The following MLIP variants were observed in gnomAD, a reference collection of about 807,000 sequenced individuals.
MLIP encodes muscular LMNA interacting protein, also known as muscular LMNA-interacting protein.
Under a neutral mutation model 84.8 loss-of-function variants are expected in MLIP, and 79 were observed. The ratio of observed to expected loss-of-function variants is 0.93; its 90% CI spans 0.78 to 1.12. The LOEUF is 1.12. MLIP is among the 50% of genes most tolerant of loss of function. MLIP has a pLI of 0.00. For missense variants in MLIP, 1,257 were observed against 1,160.6 expected (o/e 1.08, Z -1.21); for synonymous variants, 504 against 463.0 (o/e 1.09, Z -1.14).
chr6:54,160,541 A>G lies in MLIP; in HGVS notation c.2381A>G (p.Gln794Arg). 6.2e-7 allele frequency: 1 copy of G among 1,612,664 alleles called. No individual in the cohort carries two copies. Among genetic ancestry groups the G allele is most frequent in the Non-Finnish European group, 8.5e-7 (1 of 1,179,210 alleles). ...CTCTATTTTCCTGCACAGCTCAGGC[A>G]GCAAACTGAAGAGCTCTGTGCTACC... ...VELYFPAQLR[Q>R]QTEELCATID... Residue 794 changes from glutamine (Q) to arginine (R), a missense_variant, in exon 7 of 14, where the codon CAG becomes CGG. Transcript: ENST00000502396.
intron 12 of MLIP, among the ~76,000 whole-genome samples, chr6:54,241,206 A>T (rs1781715202): frequency 6.6e-6 from 1 of 152,022 alleles, no homozygotes; most frequent in Non-Finnish European, 1.5e-5. Flanking sequence ...TTATATTGGC[A>T]TGTTTATAAG....
intron 11 of MLIP, among the ~76,000 whole-genome samples, chr6:54,224,014 TA>T (rs1176041726): frequency 1.3e-5 from 2 of 151,868 alleles, no homozygotes; most frequent in Non-Finnish European, 2.9e-5. Context: ...TTGGAAAATT[TA>T]AAAACAAAAA....
chr6:54,185,643 C>G (rs1458334151), intron 9 of MLIP, among the ~76,000 whole-genome samples: 2 of 151,890 alleles, frequency 1.3e-5, no homozygotes, highest in Non-Finnish European at 1.5e-5. Context: ...TAATATGTAA[C>G]TTCTTTCCTA....
intron 1 of MLIP, among the ~76,000 whole-genome samples, chr6:54,105,197 G>C (rs1018995890): frequency 1.3e-5 from 2 of 152,134 alleles, no homozygotes; most frequent in Non-Finnish European, 2.9e-5. Context: ...GAATCCTGCT[G>C]TCTCTTCCTG....
At chr6:54,255,129 A>G (rs970328912) in intron 12 of MLIP, among the ~76,000 whole-genome samples, 9 of 151,766 alleles carry the variant, frequency 5.9e-5, no homozygotes, top group African/African-American at 1.9e-4. Context: ...GTCATACTCC[A>G]TTCACTTCCC....
chr6:54,120,124 A>G (rs1438770483), intron 1 of MLIP, among the ~76,000 whole-genome samples: 2 of 152,152 alleles, frequency 1.3e-5, no homozygotes, highest in African/African-American at 4.8e-5. Context: ...TTCTCATGCA[A>G]ACTTCTTAAA....
chr6:54,133,952 T>G (rs1324779621), intron 3 of MLIP, among the ~76,000 whole-genome samples: 1 of 152,000 alleles, frequency 6.6e-6, no homozygotes, highest in African/African-American at 2.4e-5. Flanking sequence ...TCTAGAGAGG[T>G]GTTTGAAGCA....
intron 5 of MLIP, among the ~76,000 whole-genome samples, chr6:54,154,271 TAA>T (rs1406419659): frequency 1.3e-5 from 2 of 152,004 alleles, no homozygotes; most frequent in Non-Finnish European, 2.9e-5. Context: ...ATAAAAAAAA[TAA>T]AGTAGACTAC....
At chr6:54,224,783 GC>G (rs1269906299) in intron 11 of MLIP, among the ~76,000 whole-genome samples, 1 of 151,266 alleles carries the variant, frequency 6.6e-6, no homozygotes, top group Non-Finnish European at 1.5e-5. Flanking sequence ...TCATTCTTAG[GC>G]CTTTGCATCC....
intron 1 of MLIP, among the ~76,000 whole-genome samples, chr6:54,044,707 T>C (rs560600643): frequency 7.5e-4 from 114 of 151,342 alleles, no homozygotes; most frequent in African/African-American, 2.6e-3. Flanking sequence ...AACCATTACC[T>C]AATTTACTTC....
intron 1 of MLIP, among the ~76,000 whole-genome samples, chr6:54,044,646 T>C (rs1287804853): frequency 6.6e-6 from 1 of 152,290 alleles, no homozygotes; most frequent in Middle Eastern, 3.4e-3. Context: ...GTTTTTTTTT[T>C]TTTCTTCAAC....
intron 9 of MLIP, among the ~76,000 whole-genome samples, chr6:54,184,285 A>C (rs773461441): frequency 6.6e-6 from 1 of 152,224 alleles, no homozygotes; most frequent in Non-Finnish European, 1.5e-5. Context: ...TTCAGGTGGA[A>C]GGGACATGAC....
At chr6:54,045,166 T>G (rs1211876235) in intron 1 of MLIP, among the ~76,000 whole-genome samples, 1 of 151,888 alleles carries the variant, frequency 6.6e-6, no homozygotes, top group African/African-American at 2.4e-5. Context: ...CTGGCCAACA[T>G]GACGAAACCT....
intron 11 of MLIP, among the ~76,000 whole-genome samples, chr6:54,219,384 T>C (rs1780075955): frequency 6.8e-6 from 1 of 146,688 alleles, no homozygotes; most frequent in South Asian, 2.2e-4. Flanking sequence ...TTTTTTTTTT[T>C]TTTTCTCAGA....
chr6:54,132,778 T>A (rs1287080439), intron 3 of MLIP, among the ~76,000 whole-genome samples: 17 of 152,150 alleles, frequency 1.1e-4, no homozygotes, highest in Admixed American at 1.1e-3. Context: ...CCAGCCCATA[T>A]GTGAATTGAG....
chr6:54,145,510 G>A (rs948135575), intron 4 of MLIP, among the ~76,000 whole-genome samples: 9 of 151,968 alleles, frequency 5.9e-5, no homozygotes, highest in African/African-American at 9.7e-5. Context: ...GGTGGCTCAC[G>A]CCTGTAATCC....
Position 54,088,693 on chromosome 6 carries a change from T to C in MLIP, c.64-32754T>C, listed in dbSNP as rs554369345. On this transcript the variant is annotated intron_variant, in intron 1 of 12. Transcript: ENST00000274897. ...ATACCTGTTACAGTGGTCTCATAATTGGTAAGCAAATCTCGCGGTTGTGCC... is the reference window on the plus strand; with the variant it reads ...ATACCTGTTACAGTGGTCTCATAATCGGTAAGCAAATCTCGCGGTTGTGCC... 1.4e-3 allele frequency among the ~76,000 whole-genome samples: 207 copies of C among 152,288 alleles called. 2 individuals carry two copies. The highest frequency in any genetic ancestry group is 4.6e-3 in the African/African-American group (190 of 41,552).
Position 54,160,532 on chromosome 6 carries a change from A to T in MLIP, c.2372A>T (p.Gln791Leu). 1 of 1,612,592 alleles carries T rather than the reference A, an allele frequency of 6.2e-7. No individual in the cohort carries two copies. Among genetic ancestry groups the T allele is most frequent in the South Asian group, 1.1e-5 (1 of 91,014 alleles). The stretch of plus-strand genomic sequence containing the variant: ...TTCTTCCAGCTCTATTTTCCTGCAC[A>T]GCTCAGGCAGCAAACTGAAGAGCTC... The part of the protein sequence containing the change: ...EPPVELYFPA[Q>L]LRQQTEELCA... The change falls in exon 7 of 14, where the codon CAG becomes CTG. Residue 791 changes from glutamine (Q) to leucine (L), a missense_variant. Gln to Leu is a moderately radical substitution (Grantham distance 113). Transcript: ENST00000502396.
chr6:54,076,200 A>G (rs1182798128), intron 1 of MLIP, among the ~76,000 whole-genome samples: 6 of 152,338 alleles, frequency 3.9e-5, no homozygotes, highest in African/African-American at 1.4e-4. Context: ...AGCCGAAATC[A>G]ATAGATGTGC....
Sources: allele counts gnomAD v4.1 joint callset (sites outside exome capture counted in the v4.1 genomes callset), GRCh38; gene constraint gnomAD v4.1.1; transcripts MANE v1.5; gene names NCBI Gene and HGNC (gene_info 2026-07-23, HGNC 2026-07-21).